The following SERINC5 variants were observed in gnomAD, a reference collection of about 807,000 sequenced individuals.
The protein encoded by SERINC5 is chromosome 5 open reading frame 12.
A neutral mutation model predicts 63.1 loss-of-function variants in SERINC5; 41 were observed. That is an observed-to-expected ratio of 0.65 (90% confidence interval 0.51 to 0.84). SERINC5 has a LOEUF of 0.84. Ranked by LOEUF, SERINC5 falls within the 40% of genes least tolerant of loss-of-function variation. The pLI is 0.00. For missense variants in SERINC5, 523 were observed against 573.0 expected (o/e 0.91, Z 0.89); for synonymous variants, 222 against 215.2 (o/e 1.03, Z -0.28).
At chr5:80,250,471 A>G (rs1205067194) in intron 1 of SERINC5, among the ~76,000 whole-genome samples, 1 of 152,188 alleles carries the variant, frequency 6.6e-6, no homozygotes, top group Non-Finnish European at 1.5e-5. Context: ...CCTCCTGAGT[A>G]GCTGGGATTA....
intron 1 of SERINC5, among the ~76,000 whole-genome samples, chr5:80,210,232 G>A (rs930641471): frequency 6.6e-6 from 1 of 152,152 alleles, no homozygotes; most frequent in Non-Finnish European, 1.5e-5. Context: ...CCGCAGGAAT[G>A]GCAAAGGCTT....
chr5:80,169,329 G>A lies in SERINC5; in HGVS notation c.763+6C>T. 1 of 1,610,746 alleles carries A rather than the reference G, an allele frequency of 6.2e-7. No individual in the cohort carries two copies. Among genetic ancestry groups the A allele is most frequent in the South Asian group, 1.1e-5 (1 of 90,966 alleles). On this transcript the variant is annotated splice_donor_region_variant and intron_variant, in intron 6 of 11. Coordinates refer to ENST00000507668, the MANE Select transcript of SERINC5 (RefSeq NM_001174072.3). ...AGTAACGAAGAATGGAAAAAAACAT[G>A]CTTACGATTTTGGACCCAGGGTGAG...
chr5:80,203,253 T>TACACACACACACACACACAC (rs768785966), intron 1 of SERINC5, 200 bp from the exon 2 acceptor site: 3 of 342,402 alleles, frequency 8.8e-6, no homozygotes, highest in Admixed American at 8.3e-5. Context: ...TAAATATATA[T>TACACACACACACACACACAC]ACACATATAT....
At chr5:80,217,414 T>C (rs1022565843) in intron 1 of SERINC5, among the ~76,000 whole-genome samples, 1 of 152,152 alleles carries the variant, frequency 6.6e-6, no homozygotes, top group Non-Finnish European at 1.5e-5. Flanking sequence ...GAGTGCTTTC[T>C]AGGCTGGTGA....
In SERINC5 at chr5:80,234,651, C is replaced by T. The variant is rs58577509; in HGVS notation, c.27+21245G>A. Among the ~76,000 whole-genome samples, 1,374 of 152,188 alleles carry T rather than the reference C, an allele frequency of 9.0e-3. 27 individuals are homozygous for T. The highest frequency in any genetic ancestry group is 0.031 in the African/African-American group (1,279 of 41,524). On this transcript the variant is annotated intron_variant, in intron 1 of 11. Coordinates refer to ENST00000507668, the MANE Select transcript of SERINC5 (RefSeq NM_001174072.3). The stretch of plus-strand genomic sequence containing the variant: ...AAAGTTGTTGAATGAAAAACAAATG[C>T]CCCCAACGTTATCCCCTACCCTCCA...
At chr5:80,175,863 C>CA (rs1491197344) in intron 4 of SERINC5, among the ~76,000 whole-genome samples, 1,038 of 40,242 alleles carry the variant, frequency 0.026, 24 homozygotes, top group African/African-American at 0.051. Context: ...GACTTGGTCT[C>CA]AAAAAAAAAA....
intron 1 of SERINC5, 89 bp downstream of exon 1, chr5:80,255,807 G>A (rs1752649420): frequency 4.3e-6 from 6 of 1,391,808 alleles, no homozygotes; most frequent in Non-Finnish European, 5.9e-6. Context: ...CGCGGAGCTG[G>A]GAGCGCACCC....
At chr5:80,167,172 T>C (rs1237358217) in intron 6 of SERINC5, 1 of 152,248 alleles carries the variant, frequency 6.6e-6, no homozygotes, top group Non-Finnish European at 1.5e-5. Context: ...ATAGATTATT[T>C]CGTCACCCAG....
chr5:80,135,067 CAGGG>C (rs1202859100), downstream of SERINC5, among the ~76,000 whole-genome samples: 1 of 152,182 alleles, frequency 6.6e-6, no homozygotes, highest in Non-Finnish European at 1.5e-5. Context: ...GGCTGCAAAT[CAGGG>C]TTTTTGTTGT....
chr5:80,198,945 CTCCCTCTCTCTGTTCT>C (rs1189912003), intron 2 of SERINC5, among the ~76,000 whole-genome samples: 3 of 152,264 alleles, frequency 2.0e-5, no homozygotes, highest in African/African-American at 7.2e-5. Context: ...CCCTCTCTTC[CTCCCTCTCTCTGTTCT>C]CTGACTGTAA....
Position 80,147,254 on chromosome 5 carries a change from C to G in SERINC5, c.1084G>C (p.Gly362Arg), listed in dbSNP as rs563947002. 2.5e-6 allele frequency: 4 copies of G among 1,603,846 alleles called. No homozygotes were observed. The Admixed American group carries it at 6.8e-5, about 27-fold the overall frequency. ...IARCCFCFSP[G>R]GEDTEEQQPG... ...AAAGCGCTCTGCTTACCCTCTCCAC[C>G]AGGACTGAAGCAAAAACAACAGCGA... The change falls in exon 10 of 12, where the codon GGT (glycine) becomes CGT (arginine). Residue 362 changes from glycine (G) to arginine (R), a missense_variant. Physicochemically the swap from Gly to Arg is moderately radical, Grantham distance 125. Coordinates refer to ENST00000507668, the MANE Select transcript of SERINC5 (RefSeq NM_001174072.3).
chr5:80,157,914 G>A (rs1289257700), intron 8 of SERINC5: 1 of 152,136 alleles, frequency 6.6e-6, no homozygotes, highest in African/African-American at 2.4e-5. Context: ...TCTAATAGTA[G>A]AAGTTGTTAA....
intron 1 of SERINC5, among the ~76,000 whole-genome samples, chr5:80,250,365 G>C (rs1031610009): frequency 6.6e-6 from 1 of 152,092 alleles, no homozygotes; most frequent in Non-Finnish European, 1.5e-5. Flanking sequence ...TTTTTGAAAC[G>C]GAGTCTCGCT....
rs1014371310 is a variant in SERINC5 at position 80,111,981 on chromosome 5, C to T, written c.*30-279G>A. Reference sequence around the variant, plus strand: ...AAAAGTCATCGCCATTCTCCATTCTCGATTAACCAGGGGCACGATGCACTG... The same window carrying T: ...AAAAGTCATCGCCATTCTCCATTCTTGATTAACCAGGGGCACGATGCACTG... On this transcript the variant is annotated intron_variant, in intron 12 of 12. Coordinates refer to the SERINC5 transcript ENST00000509193. 1.7e-4 allele frequency among the ~76,000 whole-genome samples: 26 copies of T among 152,200 alleles called. 1 individual carries two copies. The highest frequency in any genetic ancestry group is 6.0e-4 in the African/African-American group (25 of 41,458).
At chr5:80,128,498 G>C (rs923238934) in intron 11 of SERINC5, 1 of 152,172 alleles carries the variant, frequency 6.6e-6, no homozygotes, top group African/African-American at 2.4e-5. Context: ...CCCAGAGAAA[G>C]CACTGCATAT....
At chr5:80,212,609 G>T (rs1750482351) in intron 1 of SERINC5, among the ~76,000 whole-genome samples, 1 of 142,504 alleles carries the variant, frequency 7.0e-6, no homozygotes. Context: ...CTCAGAAATA[G>T]CTTCCACTGA....
At chr5:80,202,490 T>C (rs1396501098) in intron 2 of SERINC5, among the ~76,000 whole-genome samples, 1 of 152,064 alleles carries the variant, frequency 6.6e-6, no homozygotes, top group African/African-American at 2.4e-5. Flanking sequence ...GATGAGAGGT[T>C]GCCTGGTGGG....
chr5:80,161,220 G>A (rs2112355438), intron 7 of SERINC5, among the ~76,000 whole-genome samples: 1 of 152,112 alleles, frequency 6.6e-6, no homozygotes, highest in African/African-American at 2.4e-5. Context: ...CTACCCAGTA[G>A]TGGGATTGCT....
chr5:80,128,195 G>T (rs1414192103), intron 11 of SERINC5, among the ~76,000 whole-genome samples: 1 of 152,086 alleles, frequency 6.6e-6, no homozygotes, highest in Non-Finnish European at 1.5e-5. Flanking sequence ...AAGTATGTTT[G>T]TTTTCTGGCA....
Sources: allele counts gnomAD v4.1 joint callset (sites outside exome capture counted in the v4.1 genomes callset), GRCh38; gene constraint gnomAD v4.1.1; transcripts MANE v1.5; gene names NCBI Gene and HGNC (gene_info 2026-07-23, HGNC 2026-07-21).